The following NEDD9 variants were observed in gnomAD, a reference collection of about 807,000 sequenced individuals.
NEDD9 encodes the protein neural precursor cell expressed, developmentally down-regulated 9, also known as enhancer of filamentation 1.
A neutral mutation model predicts 76.6 loss-of-function variants in NEDD9; 26 were observed. That is an observed-to-expected ratio of 0.34 (90% confidence interval 0.25 to 0.47). The LOEUF (loss-of-function observed/expected upper bound fraction) is 0.47. NEDD9 is among the 20% of genes least tolerant of loss of function. The pLI is 1.00. For missense variants in NEDD9, 937 were observed against 1,058.5 expected, an observed-to-expected ratio of 0.89 and a Z score of 1.59; for synonymous variants, 392 against 414.2, an observed-to-expected ratio of 0.95 and a Z score of 0.65.
At chr6:11,346,540 T>C (rs748503441) in intron 1 of NEDD9, among the ~76,000 whole-genome samples, 79 of 151,746 alleles carry the variant, frequency 5.2e-4, no homozygotes, top group Non-Finnish European at 8.5e-4. Context: ...CCAATTATGA[T>C]GGATACACTA....
chr6:11,331,343 C>T (rs1022243056), intron 2 of NEDD9, among the ~76,000 whole-genome samples: 1 of 109,938 alleles, frequency 9.1e-6, no homozygotes, highest in Non-Finnish European at 1.7e-5. Flanking sequence ...TACTCCTCCA[C>T]AAATCATGAG....
chr6:11,253,904 T>C (rs1759956403), intron 3 of NEDD9, among the ~76,000 whole-genome samples: 2 of 152,144 alleles, frequency 1.3e-5, no homozygotes, highest in African/African-American at 4.8e-5. Flanking sequence ...TTTGTACTGG[T>C]ATTTTTTTTT....
At chr6:11,355,312 A>G (rs1316511079) in intron 1 of NEDD9, among the ~76,000 whole-genome samples, 2 of 152,248 alleles carry the variant, frequency 1.3e-5, no homozygotes, top group Non-Finnish European at 2.9e-5. Context: ...AGGAAACCAT[A>G]GTAATTTAGT....
chr6:11,378,283 C>T (rs1007129052), intron 1 of NEDD9, among the ~76,000 whole-genome samples: 1 of 151,956 alleles, frequency 6.6e-6, no homozygotes, highest in African/African-American at 2.4e-5. Context: ...TGGCACCTCC[C>T]AGCTTTCTTG....
chr6:11,289,364 CTAT>C (rs958664375), intron 3 of NEDD9, among the ~76,000 whole-genome samples: 2 of 152,156 alleles, frequency 1.3e-5, no homozygotes, highest in African/African-American at 4.8e-5. Context: ...AACCTATTTT[CTAT>C]TATTATTGTT....
chr6:11,310,591 C>G (rs1287388096), intron 2 of NEDD9, among the ~76,000 whole-genome samples: 1 of 152,030 alleles, frequency 6.6e-6, no homozygotes, highest in East Asian at 1.9e-4. Context: ...CCCTGGCCAG[C>G]TCACCCTCCT....
Position 11,213,688 on chromosome 6 carries a change from A to G in NEDD9, c.52T>C (p.Cys18Arg). 1 of 1,614,016 alleles carries G rather than the reference A, an allele frequency of 6.2e-7. No individual in the cohort carries two copies. Among genetic ancestry groups the G allele is most frequent in the Non-Finnish European group, 8.5e-7 (1 of 1,179,998 alleles). The change falls in exon 2 of 7, where the codon TGT (cysteine) becomes CGT (arginine). Residue 18 changes from cysteine (C) to arginine (R), a missense_variant. Physicochemically the swap from Cys to Arg is radical, Grantham distance 180. Coordinates refer to ENST00000379446, the MANE Select transcript of NEDD9 (RefSeq NM_006403.4). This position sits in a 1 kb window ranked among gnomAD's most constrained non-coding sequence, Gnocchi z 5.4. ...TTGCGAAAGGCCAGTTCCTCGGCAC[A>G]CTCTGGGACATTGTCATATAAGGCC... is the stretch of plus-strand genomic sequence containing the variant. ...ARALYDNVPE[C>R]AEELAFRKGD...
At chr6:11,319,625 A>ACT (rs200993999) in intron 2 of NEDD9, among the ~76,000 whole-genome samples, 37 of 148,152 alleles carry the variant, frequency 2.5e-4, no homozygotes, top group African/African-American at 9.0e-4. Flanking sequence ...ACTCACACAC[A>ACT]CACACACTAA....
At chr6:11,371,115 T>A (rs992442380) in intron 1 of NEDD9, among the ~76,000 whole-genome samples, 1 of 152,178 alleles carries the variant, frequency 6.6e-6, no homozygotes, top group Non-Finnish European at 1.5e-5. Flanking sequence ...AAAAAAAGAC[T>A]ATTTTTTAGA....
intron 2 of NEDD9, among the ~76,000 whole-genome samples, chr6:11,322,103 A>G (rs1357296985): frequency 6.6e-6 from 1 of 152,148 alleles, no homozygotes; most frequent in Admixed American, 6.5e-5. Flanking sequence ...ACATGTTCTC[A>G]CTCATAAGTG....
rs777375728 is a variant in NEDD9, at chr6:11,355,864, GCACC to G, written c.-213-21307_-213-21304del. Among the ~76,000 whole-genome samples the G allele has an allele frequency of 8.5e-4, 129 of 152,068 alleles. 1 individual carries two copies. The highest frequency in any genetic ancestry group is 1.3e-3 in the Non-Finnish European group (85 of 67,988). On this transcript the variant is annotated intron_variant, in intron 1 of 3. Coordinates refer to the NEDD9 transcript ENST00000397378. ...GCCTCCCCAGTAGCTGGGACTACAG[GCACC>G]CGCCACCACGCCCGGCTAATTTTTT...
intron 1 of NEDD9, among the ~76,000 whole-genome samples, chr6:11,354,053 A>G (rs1762521425): frequency 6.6e-6 from 1 of 152,242 alleles, no homozygotes; most frequent in African/African-American, 2.4e-5. Flanking sequence ...GTATAACTTT[A>G]CCTCTGGCTT....
At chr6:11,268,098 C>T (rs982808450) in intron 3 of NEDD9, among the ~76,000 whole-genome samples, 4 of 152,134 alleles carry the variant, frequency 2.6e-5, no homozygotes, top group Non-Finnish European at 5.9e-5. Context: ...GGCGCGATCT[C>T]GGCTTGCTGC....
In NEDD9 at chr6:11,299,995, G is replaced by A. The variant is rs1342894693; in HGVS notation, c.12+5997C>T. Among the ~76,000 whole-genome samples the A allele has an allele frequency of 5.3e-5, 8 of 152,258 alleles. No homozygotes were observed. In the South Asian group the frequency reaches 1.0e-3, roughly 20 times the overall value. On this transcript the variant is annotated intron_variant, in intron 3 of 3. Coordinates refer to the NEDD9 transcript ENST00000397378. ...CCCCTCACCAGCAAAGGAACAAAAC[G>A]GGACAGAGAATGAGTTTGATGAGTT...
chr6:11,214,033 G>T (rs916069898), intron 1 of NEDD9, among the ~76,000 whole-genome samples: 1 of 152,114 alleles, frequency 6.6e-6, no homozygotes, highest in Admixed American at 6.5e-5. Context: ...TTAGAGCATG[G>T]TTCACTATAC....
chr6:11,214,857 G>A (rs1424886622), intron 1 of NEDD9, among the ~76,000 whole-genome samples: 1 of 152,204 alleles, frequency 6.6e-6, no homozygotes, highest in African/African-American at 2.4e-5. Context: ...TTGAGGTGGG[G>A]CTCATTTATG....
At chr6:11,381,810 G>A (rs143744955) in intron 1 of NEDD9, among the ~76,000 whole-genome samples, 1 of 152,344 alleles carries the variant, frequency 6.6e-6, no homozygotes, top group Non-Finnish European at 1.5e-5. Context: ...AAAAATAAAA[G>A]CTTAGTTGCT....
intron 3 of NEDD9, among the ~76,000 whole-genome samples, chr6:11,269,305 A>G (rs1386684070): frequency 3.3e-5 from 5 of 152,236 alleles, no homozygotes; most frequent in Non-Finnish European, 1.5e-5. Context: ...GATTGAGAGA[A>G]CTATAGCTAT....
chr6:11,277,807 T>A (rs1041223034), intron 3 of NEDD9, among the ~76,000 whole-genome samples: 8 of 152,174 alleles, frequency 5.3e-5, no homozygotes, highest in African/African-American at 1.9e-4. Context: ...TCTAGGGCAA[T>A]AGGGACTTTC....
Sources: gnomAD v4.1 joint callset for allele counts (sites outside exome capture counted in the v4.1 genomes callset) on GRCh38, gnomAD v4.1.1 for gene constraint, Gnocchi (gnomAD v3.1) non-coding constraint, MANE v1.5 for transcripts, NCBI Gene and HGNC (gene_info 2026-07-23, HGNC 2026-07-21) for gene names.